The following BTAF1 variants were observed in gnomAD, a reference collection of about 807,000 sequenced individuals.
BTAF1 encodes the protein TATA-binding protein-associated factor 172.
BTAF1 carries 38 observed loss-of-function variants against 227.1 expected under a neutral mutation model. That is an observed-to-expected ratio of 0.17 (90% CI 0.13 to 0.22). The LOEUF (loss-of-function observed/expected upper bound fraction) is 0.22, where lower values mean the gene tolerates loss of function less well. Among genes scored for constraint, BTAF1 ranks in the 10% least tolerant of loss-of-function variants. BTAF1 has a pLI of 1.00. For synonymous variants in BTAF1, 742 were observed against 751.9 expected (o/e 0.99, Z 0.21); for missense variants, 1,598 against 2,204.0 (o/e 0.73, Z 5.51).
chr10:91,965,166 G>A (rs1846809904), intron 13 of BTAF1, among the ~76,000 whole-genome samples: 1 of 152,152 alleles, frequency 6.6e-6, no homozygotes, highest in African/African-American at 2.4e-5. Context: ...AATTGAAGTG[G>A]TAGTACATTT....
intron 34 of BTAF1, 75 bp from the exon 35 acceptor site, chr10:92,024,681 G>A: frequency 8.0e-7 from 1 of 1,249,182 alleles, no homozygotes; most frequent in Non-Finnish European, 1.1e-6. Context: ...TTGCCACAGA[G>A]AGGAATGTCA....
intron 32 of BTAF1, among the ~76,000 whole-genome samples, chr10:92,014,711 T>C (rs1237179691): frequency 6.6e-6 from 1 of 152,236 alleles, no homozygotes; most frequent in African/African-American, 2.4e-5. Flanking sequence ...AAAAGTTACA[T>C]AGCTTGGCTA....
In BTAF1 at chr10:91,962,639, G is replaced by T; in HGVS notation, c.1365G>T (p.Val455=). ...GAGCTGTTGCTGCAGCATCATTAGT[G>T]CCTGTAGTAGAAAGCCTTGTCTATC... ...DVRAVAAASL[V]PVVESLVYLQ... is the part of the protein sequence containing the mutation. The change falls in exon 12 of 38, where the codon GTG becomes GTT. Residue 455 remains valine (V), a synonymous_variant. Coordinates refer to ENST00000265990, the MANE Select transcript of BTAF1 (RefSeq NM_003972.3). The T allele has an allele frequency of 6.2e-7, 1 of 1,608,030 alleles. No individual in the cohort carries two copies. Among genetic ancestry groups the T allele is most frequent in the Non-Finnish European group, 8.5e-7 (1 of 1,177,696 alleles).
At chr10:91,972,959 G>C (rs866410104) in intron 14 of BTAF1, among the ~76,000 whole-genome samples, 7 of 152,128 alleles carry the variant, frequency 4.6e-5, no homozygotes, top group Non-Finnish European at 8.8e-5. Flanking sequence ...TCTAAAATTT[G>C]AAAAATTTCT....
At chr10:91,974,251 A>G (rs1384334762) in intron 14 of BTAF1, among the ~76,000 whole-genome samples, 3 of 152,128 alleles carry the variant, frequency 2.0e-5, no homozygotes, top group African/African-American at 4.8e-5. Flanking sequence ...TATCCTGGTT[A>G]TCTTTAGTAA....
chr10:92,008,754 GTTTATAAGAAAATGTT>G (rs1850113139), intron 26 of BTAF1, 59 bp from the exon 27 acceptor site: 2 of 1,368,714 alleles, frequency 1.5e-6, no homozygotes, highest in East Asian at 2.5e-5. Flanking sequence ...TGCAAACGTT[GTTTATAAGAAAATGTT>G]TTTATAAGAA....
intron 28 of BTAF1, among the ~76,000 whole-genome samples, chr10:92,009,675 TAA>T (rs1409587657): frequency 6.6e-6 from 1 of 152,124 alleles, no homozygotes; most frequent in African/African-American, 2.4e-5. Context: ...CTCTCTTAAA[TAA>T]AAAAGAGTTC....
intron 20 of BTAF1, among the ~76,000 whole-genome samples, chr10:91,990,386 T>C (rs1447886761): frequency 1.3e-5 from 2 of 152,192 alleles, no homozygotes; most frequent in Non-Finnish European, 2.9e-5. Flanking sequence ...GCAGCATCAT[T>C]TTGCAGTGAC....
At chr10:92,007,185 A>C (rs1010860995) in intron 25 of BTAF1, among the ~76,000 whole-genome samples, 1 of 139,916 alleles carries the variant, frequency 7.1e-6, no homozygotes, top group Non-Finnish European at 1.6e-5. Flanking sequence ...GATCATTTTT[A>C]CTGCTCTATC....
At position 91,924,036 on chromosome 10, in the gene BTAF1, C is replaced by T. The variant is rs1000819104; in HGVS notation, c.-41C>T. The T allele has an allele frequency of 2.5e-6, 4 of 1,599,612 alleles. No homozygotes were observed. The highest frequency in any genetic ancestry group is 1.7e-5 in the Admixed American group (1 of 57,892). ...GGAAACTAGCGCCTCAGCTGCGCGG[C>T]GCGTAGGTCGCGGGGAGCTCCGAAC... On this transcript the variant is annotated 5_prime_UTR_variant, in exon 1 of 38. Transcript: ENST00000265990.
intron 7 of BTAF1, 45 bp downstream of exon 7, chr10:91,956,702 T>C (rs575408306): frequency 1.9e-6 from 3 of 1,585,254 alleles, no homozygotes; most frequent in Non-Finnish European, 1.7e-6. Flanking sequence ...TTGCTTATAA[T>C]CTTTGGGCCA....
At chr10:91,958,693 AC>A (rs1196748176) in intron 8 of BTAF1, among the ~76,000 whole-genome samples, 1 of 152,044 alleles carries the variant, frequency 6.6e-6, no homozygotes, top group African/African-American at 2.4e-5. Context: ...ACAGAGTGAG[AC>A]TCCATCTCGA....
At chr10:91,966,053 G>T (rs979289605) in intron 13 of BTAF1, among the ~76,000 whole-genome samples, 2 of 152,140 alleles carry the variant, frequency 1.3e-5, no homozygotes, top group Non-Finnish European at 1.5e-5. Flanking sequence ...GTCTAGACTT[G>T]GCTTTGTTTG....
chr10:91,993,743 C>T lies in BTAF1; in HGVS notation c.3095C>T (p.Thr1032Ile). The T allele has an allele frequency of 6.3e-7, 1 of 1,596,160 alleles. No individual in the cohort carries two copies. Among genetic ancestry groups the T allele is most frequent in the Non-Finnish European group, 8.6e-7 (1 of 1,169,220 alleles). ...VQRRGAEFAL[T>I]TIVKHFGGEM... ...CGGAGAGGAGCTGAATTTGCTTTGA[C>T]AACTATAGTAAAGCATTTTGGTGGT... The change falls in exon 22 of 38, where the codon ACA becomes ATA. Residue 1032 changes from threonine to isoleucine, a missense_variant. By Grantham distance (89) the Thr-to-Ile change is moderately conservative. Coordinates refer to ENST00000265990, the MANE Select transcript of BTAF1 (RefSeq NM_003972.3).
intron 20 of BTAF1, among the ~76,000 whole-genome samples, chr10:91,991,251 A>AT (rs1848709131): frequency 3.1e-5 from 2 of 65,198 alleles, no homozygotes; most frequent in African/African-American, 6.5e-5. Flanking sequence ...GTCTCAAAAA[A>AT]ATATATAAAT....
chr10:92,011,256 T>C (rs763892169), intron 29 of BTAF1, 30 bp from the exon 30 acceptor site: 73 of 1,502,912 alleles, frequency 4.9e-5, no homozygotes, highest in Non-Finnish European at 6.5e-5. Flanking sequence ...ACAGCAAAAG[T>C]TGTAAAATTT....
intron 23 of BTAF1, 45 bp from the exon 24 acceptor site, chr10:91,996,324 A>G (rs1380203024): frequency 1.3e-6 from 2 of 1,542,088 alleles, no homozygotes; most frequent in South Asian, 1.1e-5. Context: ...CATATTAAAC[A>G]GTATTTCCTA....
Position 91,962,551 on chromosome 10 carries a change from C to T in BTAF1, c.1277C>T (p.Thr426Ile). Residue 426 changes from threonine (T) to isoleucine (I), a missense_variant, in exon 12 of 38, where the codon ACT (threonine) becomes ATT (isoleucine). Thr to Ile is a moderately conservative substitution (Grantham distance 89). Transcript: ENST00000265990. ...ALAVRQDVIN[T>I]LLPKVLTRII... ...ACTGTTTTACAGGATGTAATTAATA[C>T]TTTATTGCCTAAAGTTTTAACTAGA... The T allele has an allele frequency of 7.1e-6, 11 of 1,554,878 alleles. No individual in the cohort carries two copies. The highest frequency in any genetic ancestry group is 9.7e-6 in the Non-Finnish European group (11 of 1,132,822).
chr10:91,996,781 T>C (rs1849170891), intron 24 of BTAF1, among the ~76,000 whole-genome samples: 1 of 152,204 alleles, frequency 6.6e-6, no homozygotes, highest in Non-Finnish European at 1.5e-5. Context: ...AAAATTTTCA[T>C]GTGGAAAGTT....
Sources: allele counts gnomAD v4.1 joint callset (sites outside exome capture counted in the v4.1 genomes callset), GRCh38; gene constraint gnomAD v4.1.1; transcripts MANE v1.5; gene names NCBI Gene and HGNC (gene_info 2026-07-23, HGNC 2026-07-21).